The following AGAP1 variants were observed in gnomAD, a reference collection of about 807,000 sequenced individuals.
AGAP1 encodes the protein arf-GAP with GTPase, ANK repeat and PH domain-containing protein 1.
AGAP1 carries 29 observed loss-of-function variants against 105.3 expected under a neutral mutation model. That is an observed-to-expected ratio of 0.28 (90% CI 0.21 to 0.38). The LOEUF (loss-of-function observed/expected upper bound fraction) is 0.38. Ranked by LOEUF, AGAP1 falls within the 10% of genes least tolerant of loss-of-function variation. The pLI is 1.00. For synonymous variants in AGAP1, 509 were observed against 485.9 expected, an observed-to-expected ratio of 1.05 and a Z score of -0.63; for missense variants, 998 against 1,165.1, an observed-to-expected ratio of 0.86 and a Z score of 2.09.
At position 235,852,730 on chromosome 2, in the gene AGAP1, C is replaced by G. The variant is rs983164988; in HGVS notation, c.1051-30615C>G. 1.0e-5 allele frequency: 16 copies of G among 1,539,070 alleles called. No individual in the cohort carries two copies. In the African/African-American group the frequency reaches 2.2e-4, roughly 21 times the overall value. On this transcript the variant is annotated intron_variant, in intron 9 of 17. Transcript: ENST00000304032. ...TTGCACTGACAGCCAGCACTTATCT[C>G]AGGCCTGCTGGAGCCCGTGCCCGTC...
Position 236,044,453 on chromosome 2 carries a change from C to T in AGAP1, c.1891+3612C>T, listed in dbSNP as rs895908949. Reference sequence around the variant, plus strand: ...TTTCTCTCTGCCCATCCATGTCGCCCATGAAGCCCTGGTTGGAGCTGACCG... The same window carrying T: ...TTTCTCTCTGCCCATCCATGTCGCCTATGAAGCCCTGGTTGGAGCTGACCG... On this transcript the variant is annotated intron_variant, in intron 15 of 17. Coordinates refer to ENST00000304032, the MANE Select transcript of AGAP1 (RefSeq NM_001037131.3). This position sits in a 1 kb window ranked among gnomAD's most constrained non-coding sequence, Gnocchi z 5.7. 2.0e-5 allele frequency among the ~76,000 whole-genome samples: 3 copies of T among 152,164 alleles called. No homozygotes were observed. Among genetic ancestry groups the T allele is most frequent in the African/African-American group, 7.2e-5 (3 of 41,438 alleles).
chr2:235,756,846 C>T (rs562366571), intron 6 of AGAP1, among the ~76,000 whole-genome samples: 41 of 152,262 alleles, frequency 2.7e-4, no homozygotes, highest in African/African-American at 9.4e-4. Flanking sequence ...ACCGTTTCAT[C>T]CCAAAACCAT....
intron 16 of AGAP1, among the ~76,000 whole-genome samples, chr2:236,060,940 G>A (rs2058177064): frequency 6.6e-6 from 1 of 152,036 alleles, no homozygotes; most frequent in African/African-American, 2.4e-5. Context: ...GGGCACACCT[G>A]TAGTCCCAGC....
intron 16 of AGAP1, among the ~76,000 whole-genome samples, chr2:236,068,096 A>AC (rs1308999118): frequency 6.6e-6 from 1 of 151,986 alleles, no homozygotes; most frequent in African/African-American, 2.4e-5. Flanking sequence ...ACATGGTGAA[A>AC]CCCCATCTCT....
At chr2:235,902,899 A>C (rs1271798273) in intron 10 of AGAP1, among the ~76,000 whole-genome samples, 5 of 152,206 alleles carry the variant, frequency 3.3e-5, no homozygotes, top group Non-Finnish European at 7.3e-5. Context: ...TCTTTTTTTA[A>C]GTGTATTCAG....
At chr2:235,990,212 A>G (rs940629310) in intron 13 of AGAP1, among the ~76,000 whole-genome samples, 3 of 152,202 alleles carry the variant, frequency 2.0e-5, no homozygotes, top group Non-Finnish European at 1.5e-5. Flanking sequence ...CAAAGTTACT[A>G]TTTGAGCTGT....
chr2:236,008,513 A>G (rs1011077397), intron 13 of AGAP1, among the ~76,000 whole-genome samples: 1 of 152,196 alleles, frequency 6.6e-6, no homozygotes, highest in African/African-American at 2.4e-5. Context: ...TCCCTGTGAA[A>G]ACTTAATACT....
chr2:235,511,826 ATGTG>A, intron 1 of AGAP1, among the ~76,000 whole-genome samples: 1 of 151,618 alleles, frequency 6.6e-6, no homozygotes, highest in East Asian at 1.9e-4. Flanking sequence ...GTGTGTGTGA[ATGTG>A]TGTGTGAATG....
Position 236,128,087 on chromosome 2 carries a change from C to G in AGAP1, c.*3965C>G, listed in dbSNP as rs983816637. The stretch of plus-strand genomic sequence containing the variant: ...GGCACGTTTGCCAACCCCCCCCCCC[C>G]AGTAGAGCCCAGGACCCTCCTCTCT... On this transcript the variant is annotated 3_prime_UTR_variant, in exon 18 of 18. Transcript: ENST00000304032. This position sits in a 1 kb window ranked among gnomAD's most constrained non-coding sequence, Gnocchi z 5.9. 1 of 150,564 alleles carries G rather than the reference C, an allele frequency of 6.6e-6. No homozygotes were observed. Among genetic ancestry groups the G allele is most frequent in the Non-Finnish European group, 1.5e-5 (1 of 67,352 alleles). The allele number at this position is 150,564 out of a possible 1,614,324, so 9.3% of individuals were successfully genotyped here. A position where few individuals can be genotyped will look rare whatever the true frequency, so the allele number is the denominator to read the frequency against.
At chr2:235,509,395 C>G (rs1027573282) in intron 1 of AGAP1, among the ~76,000 whole-genome samples, 18 of 151,920 alleles carry the variant, frequency 1.2e-4, no homozygotes, top group Non-Finnish European at 2.2e-4. Flanking sequence ...CAACCACGCC[C>G]GGCTAATTTT....
At position 235,872,275 on chromosome 2, in the gene AGAP1, C is replaced by T. The variant is rs1221797369; in HGVS notation, c.1051-11070C>T. Among the ~76,000 whole-genome samples, 1 of 152,014 alleles carries T rather than the reference C, an allele frequency of 6.6e-6. No individual in the cohort carries two copies. Among genetic ancestry groups the T allele is most frequent in the Non-Finnish European group, 1.5e-5 (1 of 68,002 alleles). The stretch of plus-strand genomic sequence containing the variant: ...TGCATAGAAATAAAAAAAAAAAGTT[C>T]TAAATAAATGCCGAAGCCACATAGG... On this transcript the variant is annotated intron_variant, in intron 9 of 17. Coordinates refer to ENST00000304032, the MANE Select transcript of AGAP1 (RefSeq NM_001037131.3). This position sits in a 1 kb window ranked among gnomAD's most constrained non-coding sequence, Gnocchi z 4.5.
intron 9 of AGAP1, among the ~76,000 whole-genome samples, chr2:235,840,582 G>A (rs748000594): frequency 6.6e-6 from 1 of 152,252 alleles, no homozygotes; most frequent in East Asian, 1.9e-4. Flanking sequence ...GGAGGCTGTT[G>A]GAGGGCAGGA....
intron 1 of AGAP1, among the ~76,000 whole-genome samples, chr2:235,501,112 C>T (rs1029697378): frequency 1.3e-5 from 2 of 152,118 alleles, no homozygotes; most frequent in African/African-American, 2.4e-5. Context: ...TAGCTCAGAA[C>T]CCCGAACATA....
In AGAP1 at chr2:235,689,935, T is replaced by A. The variant is rs926923833; in HGVS notation, c.164-19244T>A. On this transcript the variant is annotated intron_variant, in intron 1 of 17. Coordinates refer to ENST00000304032, the MANE Select transcript of AGAP1 (RefSeq NM_001037131.3). This position sits in a 1 kb window ranked among gnomAD's most constrained non-coding sequence, Gnocchi z 4.2. ...CATTTGTGGTATTTTTTTTTTTAAA[T>A]ACTGCTTTTGTTTATTTTCCCTGGT... Among the ~76,000 whole-genome samples the A allele has an allele frequency of 2.6e-5, 4 of 152,210 alleles. No homozygotes were observed. Among genetic ancestry groups the A allele is most frequent in the African/African-American group, 9.6e-5 (4 of 41,452 alleles).
chr2:235,881,911 A>G (rs775671887), intron 9 of AGAP1, among the ~76,000 whole-genome samples: 5 of 152,254 alleles, frequency 3.3e-5, no homozygotes, highest in Admixed American at 1.3e-4. Context: ...TCTATTAAAT[A>G]CTGTTACTGA....
In AGAP1 at chr2:235,517,050, C is replaced by T. The variant is rs1942419316; in HGVS notation, c.163+22201C>T. Reference sequence around the variant, plus strand: ...CAGCTCGGGCTGCCACGACAAAATACCACAGACTGGGAGGCCCAAACGTAT... The same window carrying T: ...CAGCTCGGGCTGCCACGACAAAATATCACAGACTGGGAGGCCCAAACGTAT... On this transcript the variant is annotated intron_variant, in intron 1 of 17. Coordinates refer to ENST00000304032, the MANE Select transcript of AGAP1 (RefSeq NM_001037131.3). This position sits in a 1 kb window ranked among gnomAD's most constrained non-coding sequence, Gnocchi z 4.1. 6.6e-6 allele frequency among the ~76,000 whole-genome samples: 1 copy of T among 152,186 alleles called. No individual in the cohort carries two copies. The highest frequency in any genetic ancestry group is 6.5e-5 in the Admixed American group (1 of 15,280).
intron 6 of AGAP1, among the ~76,000 whole-genome samples, chr2:235,785,237 G>C (rs574156200): frequency 2.7e-4 from 41 of 152,334 alleles, no homozygotes; most frequent in Non-Finnish European, 5.0e-4. Context: ...TTAAAAGTGA[G>C]AAGCTATCCG....
Position 236,120,452 on chromosome 2 carries a change from G to A in AGAP1, c.2370+5G>A. On this transcript the variant is annotated splice_donor_5th_base_variant and intron_variant, in intron 17 of 17. Transcript: ENST00000304032. The surrounding 1 kb of genome is among the most constrained non-coding windows in gnomAD (Gnocchi z 6.0). ...CTGGCGCAGCTCCTGATCTGGGTAG[G>A]TGGTCGGCACGCCTGGCAGAGGACG... The A allele has an allele frequency of 6.2e-7, 1 of 1,611,248 alleles. No homozygotes were observed.
chr2:235,924,578 G>C (rs867706675), intron 11 of AGAP1, among the ~76,000 whole-genome samples: 7 of 152,170 alleles, frequency 4.6e-5, no homozygotes, highest in African/African-American at 1.7e-4. Flanking sequence ...CCTGCCCTAG[G>C]TTCCTGGGTG....
Sources: gnomAD v4.1 joint callset for allele counts (sites outside exome capture counted in the v4.1 genomes callset) on GRCh38, gnomAD v4.1.1 for gene constraint, Gnocchi (gnomAD v3.1) non-coding constraint, MANE v1.5 for transcripts, NCBI Gene and HGNC (gene_info 2026-07-23, HGNC 2026-07-21) for gene names.